Variants in PARD3B observed in about 807,000 individuals in gnomAD.
PARD3B encodes par-3 family cell polarity regulator beta.
Under a neutral mutation model 130.2 loss-of-function variants are expected in PARD3B, and 103 were observed. The ratio of observed to expected loss-of-function variants is 0.79; its 90% CI spans 0.67 to 0.93. The LOEUF is 0.93. Among genes scored for constraint, PARD3B ranks in the 40% least tolerant of loss-of-function variants. PARD3B has a pLI of 0.00. For missense variants in PARD3B, 1,609 were observed against 1,499.2 expected (o/e 1.07, Z -1.21); for synonymous variants, 583 against 553.2 (o/e 1.05, Z -0.76).
intron 2 of PARD3B, among the ~76,000 whole-genome samples, chr2:204,962,563 C>T (rs928853466): frequency 2.0e-5 from 3 of 152,122 alleles, no homozygotes; most frequent in African/African-American, 7.2e-5. Flanking sequence ...GGGACTAGAA[C>T]AGTGGTTTAT....
chr2:204,545,751 C>A lies in PARD3B; in HGVS notation c.-249C>A, dbSNP rs534026105. 21 of 380,822 alleles carry A rather than the reference C, an allele frequency of 5.5e-5. 1 individual carries two copies. The South Asian group carries it at 1.0e-3, about 19-fold the overall frequency. 23.6% of individuals were successfully genotyped at this position (380,822 alleles called of 1,614,324 possible). A position where few individuals can be genotyped will look rare whatever the true frequency, so the allele number is the denominator to read the frequency against. On this transcript the variant is annotated 5_prime_UTR_variant, in exon 1 of 23. Transcript: ENST00000406610. ...GGAGGAGCCGGTGCCGCGGAGCTGC[C>A]GCGTCCCGGGCCGCCGGGCACCTGG... is the stretch of plus-strand genomic sequence containing the variant.
intron 15 of PARD3B, among the ~76,000 whole-genome samples, chr2:205,222,392 C>T (rs1559557183): frequency 1.3e-5 from 2 of 152,122 alleles, no homozygotes; most frequent in Non-Finnish European, 2.9e-5. Context: ...ATGTCATAAC[C>T]CTTCTTAGCC....
chr2:205,222,169 C>A (rs1367492382), intron 15 of PARD3B, among the ~76,000 whole-genome samples: 2 of 103,168 alleles, frequency 1.9e-5, no homozygotes, highest in Non-Finnish European at 3.8e-5. Context: ...AACTATTAGA[C>A]CTTCCAATAT....
chr2:204,866,800 A>G (rs933625435), intron 2 of PARD3B, among the ~76,000 whole-genome samples: 2 of 152,036 alleles, frequency 1.3e-5, no homozygotes, highest in African/African-American at 4.8e-5. Context: ...AATGTATTAT[A>G]AAATATTGTC....
intron 18 of PARD3B, among the ~76,000 whole-genome samples, chr2:205,387,146 T>G (rs1268932588): frequency 6.6e-6 from 1 of 152,190 alleles, no homozygotes; most frequent in Non-Finnish European, 1.5e-5. Context: ...TGATTGGTTC[T>G]TAATGGCATT....
At position 205,609,710 on chromosome 2, in the gene PARD3B, C is replaced by T. The variant is rs190915231; in HGVS notation, c.3261-5746C>T. 5.1e-4 allele frequency among the ~76,000 whole-genome samples: 77 copies of T among 152,312 alleles called. 2 individuals carry two copies. In the East Asian group the frequency reaches 0.013, roughly 27 times the overall value. Reference sequence around the variant, plus strand: ...TTCACACCTCTGCTCATAAATTCTTCATGGTTTTTATACTTTCTGCTGCAT... The same window carrying T: ...TTCACACCTCTGCTCATAAATTCTTTATGGTTTTTATACTTTCTGCTGCAT... On this transcript the variant is annotated intron_variant, in intron 22 of 22. Transcript: ENST00000406610.
intron 20 of PARD3B, among the ~76,000 whole-genome samples, chr2:205,472,413 A>G (rs1355637008): frequency 2.0e-5 from 3 of 152,204 alleles, no homozygotes; most frequent in Non-Finnish European, 2.9e-5. Context: ...TCCATTGTTA[A>G]AACAGTGAAA....
intron 20 of PARD3B, among the ~76,000 whole-genome samples, chr2:205,482,247 G>C (rs112525294): frequency 9.9e-4 from 151 of 152,302 alleles, no homozygotes; most frequent in African/African-American, 3.5e-3. Context: ...GACAGTGAAA[G>C]AAACAGACAA....
At chr2:205,344,928 C>G (rs1254613877) in intron 18 of PARD3B, among the ~76,000 whole-genome samples, 1 of 152,158 alleles carries the variant, frequency 6.6e-6, no homozygotes, top group Non-Finnish European at 1.5e-5. Context: ...AACTCTTCCT[C>G]CCCCTTCATA....
At chr2:204,706,221 G>A (rs944560857) in intron 2 of PARD3B, among the ~76,000 whole-genome samples, 5 of 152,028 alleles carry the variant, frequency 3.3e-5, no homozygotes, top group African/African-American at 1.2e-4. Flanking sequence ...CAAAAAATTA[G>A]CCGGGCATGG....
At chr2:205,482,075 CG>C (rs1559135048) in intron 20 of PARD3B, among the ~76,000 whole-genome samples, 1 of 152,038 alleles carries the variant, frequency 6.6e-6, no homozygotes. Context: ...CGAGCCACTC[CG>C]GGGATCATAT....
intron 1 of PARD3B, among the ~76,000 whole-genome samples, chr2:204,576,454 T>A (rs2032264965): frequency 6.6e-6 from 1 of 152,198 alleles, no homozygotes. Context: ...CGGCAAAGTT[T>A]TTTTTCCAGT....
chr2:204,747,774 C>A (rs1398261004), intron 2 of PARD3B, among the ~76,000 whole-genome samples: 4 of 151,766 alleles, frequency 2.6e-5, no homozygotes, highest in African/African-American at 9.7e-5. Context: ...AATGATATAG[C>A]AGGATTTTAA....
intron 2 of PARD3B, among the ~76,000 whole-genome samples, chr2:204,764,327 G>T (rs543112261): frequency 6.6e-6 from 1 of 152,126 alleles, no homozygotes. Context: ...AGGTACATGT[G>T]TCAGGGGATG....
intron 15 of PARD3B, among the ~76,000 whole-genome samples, chr2:205,225,410 A>C (rs1282425833): frequency 6.6e-6 from 1 of 152,128 alleles, no homozygotes; most frequent in African/African-American, 2.4e-5. Flanking sequence ...TGTCTTGAGA[A>C]ATATCTGTGC....
chr2:205,561,408 G>A (rs548464370), intron 22 of PARD3B, among the ~76,000 whole-genome samples: 1 of 152,252 alleles, frequency 6.6e-6, no homozygotes, highest in African/African-American at 2.4e-5. Flanking sequence ...GTAAACAGGT[G>A]TGTGAGTGCT....
intron 18 of PARD3B, among the ~76,000 whole-genome samples, chr2:205,400,505 G>A (rs1328468284): frequency 3.3e-5 from 5 of 152,078 alleles, no homozygotes; most frequent in Non-Finnish European, 5.9e-5. Flanking sequence ...GCTGGGCATG[G>A]TGGTGTGAAC....
chr2:205,082,943 A>C (rs1462676415), intron 4 of PARD3B, among the ~76,000 whole-genome samples: 1 of 146,728 alleles, frequency 6.8e-6, no homozygotes, highest in African/African-American at 2.5e-5. Flanking sequence ...TTTTTGAGAC[A>C]CAGTCTCGCT....
In PARD3B at chr2:205,441,740, T is replaced by G. The variant is rs1332718122; in HGVS notation, c.3044+1068T>G. Among the ~76,000 whole-genome samples the G allele has an allele frequency of 2.0e-5, 3 of 152,234 alleles. No homozygotes were observed. In the East Asian group the frequency reaches 5.8e-4, roughly 29 times the overall value. ...AGGAAGGGAAATCATGGCATTTTTA[T>G]GCAGACTGTAAAGTGTAGCTTCAAA... On this transcript the variant is annotated intron_variant, in intron 20 of 22. Coordinates refer to ENST00000406610, the MANE Select transcript of PARD3B (RefSeq NM_001302769.2).
Sources: allele counts gnomAD v4.1 joint callset (sites outside exome capture counted in the v4.1 genomes callset), GRCh38; gene constraint gnomAD v4.1.1; transcripts MANE v1.5; gene names NCBI Gene and HGNC (gene_info 2026-07-23, HGNC 2026-07-21).